SIPA1L2: variants seen among roughly 807,000 people sequenced by gnomAD.
SIPA1L2 encodes signal induced proliferation associated 1 like 2, also known as signal-induced proliferation-associated 1-like protein 2.
In SIPA1L2, 56 loss-of-function variants were observed where a neutral mutation model predicts 163.9. That is an observed-to-expected ratio of 0.34 (90% CI 0.28 to 0.43). The LOEUF (loss-of-function observed/expected upper bound fraction) is 0.43, where lower values mean the gene tolerates loss of function less well. SIPA1L2 is among the 20% of genes least tolerant of loss of function. SIPA1L2 has a pLI of 1.00. For synonymous variants in SIPA1L2, 877 were observed against 865.7 expected (o/e 1.01, Z -0.23); for missense variants, 1,974 against 2,193.5 (o/e 0.90, Z 2.00).
At chr1:232,622,186 T>C (rs1415501043) in intron 1 of SIPA1L2, among the ~76,000 whole-genome samples, 1 of 152,130 alleles carries the variant, frequency 6.6e-6, no homozygotes, top group African/African-American at 2.4e-5. Context: ...TGTAAACAAA[T>C]AGGAGTTAGA....
At chr1:232,500,636 T>A (rs766393646) in intron 3 of SIPA1L2, among the ~76,000 whole-genome samples, 1 of 152,238 alleles carries the variant, frequency 6.6e-6, no homozygotes, top group Non-Finnish European at 1.5e-5. Flanking sequence ...ATCAAACTTA[T>A]ACAGAAGAGG....
chr1:232,493,011 G>A (rs1572979588), intron 4 of SIPA1L2, among the ~76,000 whole-genome samples: 1 of 151,556 alleles, frequency 6.6e-6, no homozygotes, highest in East Asian at 1.9e-4. Flanking sequence ...AATTGGAGAA[G>A]AGGCCTCGTA....
At chr1:232,439,823 G>A (rs1184438969) in intron 14 of SIPA1L2, among the ~76,000 whole-genome samples, 2 of 152,176 alleles carry the variant, frequency 1.3e-5, no homozygotes, top group East Asian at 3.9e-4. Context: ...GAAGGAACAT[G>A]GGAAATTAAT....
chr1:232,561,548 C>G (rs889848319), intron 2 of SIPA1L2: 2 of 152,196 alleles, frequency 1.3e-5, no homozygotes, highest in Non-Finnish European at 2.9e-5. Context: ...CACACAATGC[C>G]CACCCCTAGT....
At chr1:232,600,133 G>A (rs1661515566) in intron 1 of SIPA1L2, among the ~76,000 whole-genome samples, 1 of 152,126 alleles carries the variant, frequency 6.6e-6, no homozygotes, top group Non-Finnish European at 1.5e-5. Context: ...AGTGCTTTTT[G>A]GGGATGCTTG....
At chr1:232,548,623 G>A (rs527973830) in intron 2 of SIPA1L2, among the ~76,000 whole-genome samples, 14 of 152,070 alleles carry the variant, frequency 9.2e-5, no homozygotes, top group East Asian at 1.9e-4. Context: ...ATATACTAAC[G>A]CCCCTACCTG....
intron 22 of SIPA1L2, among the ~76,000 whole-genome samples, chr1:232,399,985 G>A (rs986475817): frequency 6.6e-6 from 1 of 152,102 alleles, no homozygotes; most frequent in Non-Finnish European, 1.5e-5. Context: ...CACTGTGCAG[G>A]AGCATTGAGT....
chr1:232,475,958 AG>A (rs1434113043), intron 7 of SIPA1L2, among the ~76,000 whole-genome samples: 1 of 152,204 alleles, frequency 6.6e-6, no homozygotes, highest in Non-Finnish European at 1.5e-5. Context: ...GCTCCTACTT[AG>A]GGTCTGGGAA....
chr1:232,404,138 G>C lies in SIPA1L2; in HGVS notation c.4803C>G (p.His1601Gln), dbSNP rs200500278. 1 of 1,614,032 alleles carries C rather than the reference G, an allele frequency of 6.2e-7. No individual in the cohort carries two copies. Among genetic ancestry groups the C allele is most frequent in the Non-Finnish European group, 8.5e-7 (1 of 1,180,012 alleles). ...SDEELGLLCH[H>Q]TSYLDQRVAS... ...CCAGACAATCACCTAGATAGGACGT[G>C]TGGTGACAGAGCAGCCCCAGTTCTT... The change falls in exon 20 of 23, where the codon CAC becomes CAG. Residue 1601 changes from histidine to glutamine, a missense_variant. By Grantham distance (24) the His-to-Gln change is conservative. Coordinates refer to ENST00000674635, the MANE Select transcript of SIPA1L2 (RefSeq NM_020808.5).
At chr1:232,601,953 T>C (rs1268726023) in intron 1 of SIPA1L2, among the ~76,000 whole-genome samples, 1 of 152,194 alleles carries the variant, frequency 6.6e-6, no homozygotes, top group East Asian at 1.9e-4. Flanking sequence ...CTTACAAGCA[T>C]GTGAAGGAGT....
intron 4 of SIPA1L2, among the ~76,000 whole-genome samples, chr1:232,491,367 C>T (rs1336150799): frequency 6.6e-6 from 1 of 152,240 alleles, no homozygotes; most frequent in African/African-American, 2.4e-5. Flanking sequence ...CAACTCTGAA[C>T]CCACATGAGA....
intron 1 of SIPA1L2, among the ~76,000 whole-genome samples, chr1:232,586,055 T>C (rs1660638635): frequency 6.6e-6 from 1 of 152,230 alleles, no homozygotes; most frequent in South Asian, 2.1e-4. Context: ...TAATATTTAC[T>C]TAGCTTGGCT....
At chr1:232,499,004 A>C (rs970994327) in intron 3 of SIPA1L2, among the ~76,000 whole-genome samples, 5 of 152,234 alleles carry the variant, frequency 3.3e-5, no homozygotes, top group African/African-American at 1.2e-4. Context: ...AGAAACTGAT[A>C]AATACTGGGG....
intron 2 of SIPA1L2, among the ~76,000 whole-genome samples, chr1:232,525,457 T>C (rs1361642959): frequency 6.6e-6 from 1 of 150,510 alleles, no homozygotes; most frequent in Non-Finnish European, 1.5e-5. Context: ...GGTTTCACCA[T>C]GTTGTTCAGA....
chr1:232,622,734 C>T (rs1030610488), intron 1 of SIPA1L2, among the ~76,000 whole-genome samples: 1 of 152,130 alleles, frequency 6.6e-6, no homozygotes, highest in Non-Finnish European at 1.5e-5. Flanking sequence ...TTTACCAGTT[C>T]CATATCAGAG....
At chr1:232,571,406 T>C (rs1435999686) in intron 2 of SIPA1L2, among the ~76,000 whole-genome samples, 1 of 152,244 alleles carries the variant, frequency 6.6e-6, no homozygotes, top group African/African-American at 2.4e-5. Context: ...TTCTGAAAAG[T>C]CTGTTGACAG....
At chr1:232,405,222 G>A (rs1423055385) in intron 19 of SIPA1L2, among the ~76,000 whole-genome samples, 2 of 152,256 alleles carry the variant, frequency 1.3e-5, no homozygotes, top group African/African-American at 2.4e-5. Context: ...GGGCCCTCCT[G>A]AGTGCACCCA....
intron 1 of SIPA1L2, among the ~76,000 whole-genome samples, chr1:232,580,795 C>A (rs1189049371): frequency 6.6e-6 from 1 of 152,190 alleles, no homozygotes; most frequent in Non-Finnish European, 1.5e-5. Context: ...ATCTCCCCTA[C>A]AAAAGACAGC....
intron 1 of SIPA1L2, among the ~76,000 whole-genome samples, chr1:232,576,350 ATGG>A (rs566268457): frequency 2.6e-5 from 4 of 152,194 alleles, no homozygotes; most frequent in Non-Finnish European, 5.9e-5. Flanking sequence ...TATGTTTGTT[ATGG>A]TGACCTGTGA....
Sources: allele counts gnomAD v4.1 joint callset (sites outside exome capture counted in the v4.1 genomes callset), GRCh38; gene constraint gnomAD v4.1.1; transcripts MANE v1.5; gene names NCBI Gene and HGNC (gene_info 2026-07-23, HGNC 2026-07-21).